Variants in BRD10 observed in about 807,000 individuals in gnomAD.
BRD10 encodes uncharacterized bromodomain-containing protein 10.
At chr9:5,928,879 A>G in the BRD10 span, among the ~76,000 whole-genome samples, 5 of 152,294 alleles carry the variant, frequency 3.3e-5, no homozygotes, top group East Asian at 9.6e-4. Context: ...TTAGTCAACA[A>G]TATTTTCTCA....
the BRD10 span, among the ~76,000 whole-genome samples, chr9:5,950,424 G>A: frequency 1.3e-5 from 2 of 152,228 alleles, no homozygotes; most frequent in Middle Eastern, 6.8e-3. Context: ...ATGAGAAACT[G>A]GAATCATGGA....
the BRD10 span, among the ~76,000 whole-genome samples, chr9:5,961,941 A>C: frequency 8.8e-6 from 1 of 113,490 alleles, no homozygotes; most frequent in South Asian, 2.8e-4. Flanking sequence ...TCCTGGATTC[A>C]TTGATTTTTT....
the BRD10 span, among the ~76,000 whole-genome samples, chr9:5,918,771 G>A: frequency 6.9e-6 from 1 of 145,412 alleles, no homozygotes; most frequent in Non-Finnish European, 1.5e-5. Context: ...GTTGCAGTGA[G>A]CTGAGACTGC....
At chr9:5,952,439 AAAC>A in the BRD10 span, among the ~76,000 whole-genome samples, 11 of 152,346 alleles carry the variant, frequency 7.2e-5, no homozygotes, top group East Asian at 1.5e-3. Flanking sequence ...AAGTTTCACG[AAAC>A]AATATATGTG....
At chr9:5,897,345 C>G in the BRD10 span, among the ~76,000 whole-genome samples, 1 of 152,340 alleles carries the variant, frequency 6.6e-6, no homozygotes, top group East Asian at 1.9e-4. Flanking sequence ...CCTGTGGGCA[C>G]ACACTTGAGA....
At chr9:5,931,802 A>T in the BRD10 span, among the ~76,000 whole-genome samples, 1 of 152,194 alleles carries the variant, frequency 6.6e-6, no homozygotes, top group African/African-American at 2.4e-5. Context: ...AACAAAGGGC[A>T]CCCCTATACC....
chr9:5,932,754 T>A, the BRD10 span, among the ~76,000 whole-genome samples: 1 of 152,120 alleles, frequency 6.6e-6, no homozygotes, highest in African/African-American at 2.4e-5. Flanking sequence ...AATACTAACG[T>A]CTAATCTCCT....
At chr9:5,914,176 T>A in the BRD10 span, 2 of 370,194 alleles carry the variant, frequency 5.4e-6, no homozygotes, top group African/African-American at 4.3e-5. Flanking sequence ...CCATGCATCA[T>A]CATGTCTGCG....
chr9:5,915,538 G>A, the BRD10 span, among the ~76,000 whole-genome samples: 29,023 of 151,930 alleles, frequency 0.19, 2,949 homozygotes, highest in Middle Eastern at 0.3. Flanking sequence ...ATTCCCTATG[G>A]GTCCTCTTAA....
the BRD10 span, among the ~76,000 whole-genome samples, chr9:5,980,706 T>TA: frequency 2.0e-5 from 3 of 152,090 alleles, no homozygotes; most frequent in Non-Finnish European, 4.4e-5. Flanking sequence ...GTAAAAATTT[T>TA]AAAAAATCTA....
chr9:5,882,404 GAAAGT>G, the BRD10 span, among the ~76,000 whole-genome samples: 1 of 152,188 alleles, frequency 6.6e-6, no homozygotes, highest in South Asian at 2.1e-4. Flanking sequence ...AAACAAGTGT[GAAAGT>G]AGTCAGAATC....
chr9:5,997,407 T>A, the BRD10 span, among the ~76,000 whole-genome samples: 1 of 149,328 alleles, frequency 6.7e-6, no homozygotes, highest in Non-Finnish European at 1.5e-5. Context: ...AAAAGCCACA[T>A]ATCTAATGGA....
chr9:5,901,557 C>T, the BRD10 span, among the ~76,000 whole-genome samples: 1 of 151,962 alleles, frequency 6.6e-6, no homozygotes, highest in Non-Finnish European at 1.5e-5. Context: ...CTCATTCTGT[C>T]ACCCAGGCTG....
the BRD10 span, among the ~76,000 whole-genome samples, chr9:5,951,519 G>A: frequency 6.6e-6 from 1 of 152,088 alleles, no homozygotes; most frequent in African/African-American, 2.4e-5. Context: ...AAGATCTTCT[G>A]ACTAAATATT....
the BRD10 span, chr9:5,906,931 GC>G: frequency 6.3e-7 from 1 of 1,596,298 alleles, no homozygotes; most frequent in Non-Finnish European, 8.5e-7. Context: ...ACAAGAAGAT[GC>G]CCACAAGAAG....
the BRD10 span, among the ~76,000 whole-genome samples, chr9:5,886,110 C>T: frequency 1.3e-5 from 2 of 152,160 alleles, no homozygotes; most frequent in East Asian, 1.9e-4. Flanking sequence ...AATACCTCTG[C>T]GGGGTGTGTG....
At chr9:5,897,213 A>C in the BRD10 span, among the ~76,000 whole-genome samples, 1 of 152,250 alleles carries the variant, frequency 6.6e-6, no homozygotes, top group Non-Finnish European at 1.5e-5. Flanking sequence ...GTTTTAAAAC[A>C]GCCTGATGAG....
chr9:5,956,007 A>G, the BRD10 span, among the ~76,000 whole-genome samples: 1 of 152,130 alleles, frequency 6.6e-6, no homozygotes. Context: ...TAAAGTTCAC[A>G]AGAAAAAACT....
At chr9:5,996,668 T>C in the BRD10 span, among the ~76,000 whole-genome samples, 58 of 152,294 alleles carry the variant, frequency 3.8e-4, 1 homozygote, top group East Asian at 0.01. Flanking sequence ...TTGCTTAGAA[T>C]ATATTTATTC....
Sources: allele counts gnomAD v4.1 joint callset (sites outside exome capture counted in the v4.1 genomes callset), GRCh38; gene constraint gnomAD v4.1.1; transcripts MANE v1.5; gene names NCBI Gene and HGNC (gene_info 2026-07-23, HGNC 2026-07-21).